Variants in UBXN4 observed in about 807,000 individuals in gnomAD.
The protein encoded by UBXN4 is UBX domain protein 4, also known as UBX domain-containing protein 4.
UBXN4 carries 35 observed loss-of-function variants against 66.2 expected under a neutral mutation model. That is an observed-to-expected ratio of 0.53 (90% confidence interval 0.40 to 0.70). The LOEUF is 0.70. Among genes scored for constraint, UBXN4 ranks in the 30% least tolerant of loss-of-function variants. UBXN4 has a pLI of 0.00. For missense variants in UBXN4, 533 were observed against 599.8 expected (o/e 0.89, Z 1.16); for synonymous variants, 203 against 204.5 (o/e 0.99, Z 0.06).
intron 3 of UBXN4, 95 bp downstream of exon 3, chr2:135,753,662 G>T: frequency 2.8e-6 from 3 of 1,081,164 alleles, no homozygotes; most frequent in South Asian, 2.0e-5. Flanking sequence ...TTTTTATTTA[G>T]GAAATCATAC....
chr2:135,770,707 G>A lies in UBXN4; in HGVS notation c.794G>A (p.Arg265Gln), dbSNP rs371075349. ...GAGAAAGCAGAAGATAGGGCAGCTCGAGAACGTATAAAACAGCAGATTGCA... is the reference window on the plus strand; with the variant it reads ...GAGAAAGCAGAAGATAGGGCAGCTCAAGAACGTATAAAACAGCAGATTGCA... ...NREKAEDRAA[R>Q]ERIKQQIALD... is the part of the protein sequence containing the mutation. Residue 265 changes from arginine (R) to glutamine (Q), a missense_variant, in exon 8 of 13, where the codon CGA (arginine) becomes CAA (glutamine). Arg to Gln is a conservative substitution (Grantham distance 43). Transcript: ENST00000272638. 16 of 1,552,840 alleles carry A rather than the reference G, an allele frequency of 1.0e-5. No homozygotes were observed. Among genetic ancestry groups the A allele is most frequent in the Admixed American group, 7.0e-5 (3 of 42,712 alleles).
At chr2:135,772,269 G>A (rs1379347108) in intron 8 of UBXN4, 151 bp from the exon 9 acceptor site, 2 of 820,818 alleles carry the variant, frequency 2.4e-6, no homozygotes, top group East Asian at 3.2e-5. Context: ...GCTGCAGTGA[G>A]CTATGATTGT....
intron 1 of UBXN4, among the ~76,000 whole-genome samples, chr2:135,745,720 C>CTTATTTGGAATATTTGGAATGATGGAA (rs2077203185): frequency 6.6e-6 from 1 of 152,096 alleles, no homozygotes; most frequent in African/African-American, 2.4e-5. Flanking sequence ...GAATCTTAAT[C>CTTATTTGGAATATTTGGAATGATGGAA]TCTCCTCATC....
chr2:135,764,134 A>C lies in UBXN4; in HGVS notation c.602+2223A>C, dbSNP rs546171435. 6.4e-4 allele frequency among the ~76,000 whole-genome samples: 18 copies of C among 28,342 alleles called. No individual in the cohort carries two copies. In the East Asian group the frequency reaches 0.017, roughly 27 times the overall value. The allele number at this position is 28,342 out of a possible 152,430, so 18.6% of individuals were successfully genotyped here. A position where few individuals can be genotyped will look rare whatever the true frequency, so the allele number is the denominator to read the frequency against. On this transcript the variant is annotated intron_variant, in intron 6 of 12. Coordinates refer to ENST00000272638, the MANE Select transcript of UBXN4 (RefSeq NM_014607.4). ...GTGCTACTCCGTCTCAAAATAAATA[A>C]AATAAAATAAAATAAAAAATAAAGC... is the stretch of plus-strand genomic sequence containing the variant.
chr2:135,742,322 T>G (rs1461315463), intron 1 of UBXN4, among the ~76,000 whole-genome samples: 1 of 152,142 alleles, frequency 6.6e-6, no homozygotes, highest in African/African-American at 2.4e-5. Flanking sequence ...TGAGATACAG[T>G]GGGCCTGGCC....
chr2:135,778,985 C>A lies in UBXN4; in HGVS notation c.1091C>A (p.Thr364Asn), dbSNP rs765065325. The A allele has an allele frequency of 6.2e-7, 1 of 1,612,926 alleles. No individual in the cohort carries two copies. Residue 364 changes from threonine (T) to asparagine (N), a missense_variant, in exon 11 of 13, where the codon ACC becomes AAC. Physicochemically the swap from Thr to Asn is moderately conservative, Grantham distance 65. Around this residue, in one of 2 missense-constraint regions of UBXN4, gnomAD observed 529 missense variants for 580.1 expected, o/e 0.91. Coordinates refer to ENST00000272638, the MANE Select transcript of UBXN4 (RefSeq NM_014607.4). ...GNTYGNFSLATMFPRREFTKE... is the reference protein window; with the variant it reads ...GNTYGNFSLANMFPRREFTKE... ...ACTTACGGTAATTTTTCGTTAGCAA[C>A]CATGTTTCCCAGGAGGGAATTTACC...
At chr2:135,743,863 G>GTATA (rs34393353) in intron 1 of UBXN4, among the ~76,000 whole-genome samples, 82 of 151,420 alleles carry the variant, frequency 5.4e-4, no homozygotes, top group East Asian at 1.4e-3. Flanking sequence ...GGGGTTTTGT[G>GTATA]TATATATATA....
intron 10 of UBXN4, among the ~76,000 whole-genome samples, chr2:135,776,644 A>C (rs1266502952): frequency 6.6e-6 from 1 of 152,170 alleles, no homozygotes; most frequent in Non-Finnish European, 1.5e-5. Flanking sequence ...CCTAGGCTGG[A>C]GTGCAGTGGT....
chr2:135,748,108 A>G (rs1486745575), intron 1 of UBXN4, 159 bp from the exon 2 acceptor site: 3 of 488,024 alleles, frequency 6.1e-6, no homozygotes, highest in Non-Finnish European at 1.1e-5. Context: ...CTGTGTATGC[A>G]GTCACACTTT....
chr2:135,778,185 AAAAC>A (rs1282660573), intron 10 of UBXN4, among the ~76,000 whole-genome samples: 2 of 149,408 alleles, frequency 1.3e-5, no homozygotes, highest in African/African-American at 2.4e-5. Context: ...AAAAAAAAAA[AAAAC>A]AAAAAAAAAC....
rs147872331 is a variant in UBXN4, at chr2:135,773,385, C to T, written c.950+838C>T. Among the ~76,000 whole-genome samples the T allele has an allele frequency of 3.6e-3, 552 of 152,278 alleles. 4 individuals carry two copies. Among genetic ancestry groups the T allele is most frequent in the Non-Finnish European group, 4.8e-3 (326 of 68,026 alleles). ...CCAGCACCTCCTGGCACTTTCAGGA[C>T]CTTGAATTCACGATCCCAGACAGAA... On this transcript the variant is annotated intron_variant, in intron 9 of 12. Transcript: ENST00000272638.
At chr2:135,745,435 A>G (rs2077201387) in intron 1 of UBXN4, among the ~76,000 whole-genome samples, 1 of 152,196 alleles carries the variant, frequency 6.6e-6, no homozygotes, top group East Asian at 1.9e-4. Flanking sequence ...TCTTTTTAGT[A>G]GCATTTATTA....
intron 8 of UBXN4, among the ~76,000 whole-genome samples, 162 bp downstream of exon 8, chr2:135,770,897 G>A (rs1575321878): frequency 6.6e-6 from 1 of 152,086 alleles, no homozygotes; most frequent in Non-Finnish European, 1.5e-5. Flanking sequence ...AAATAGTTAA[G>A]ATTAAAATTG....
At chr2:135,777,929 G>A (rs2077426944) in intron 10 of UBXN4, among the ~76,000 whole-genome samples, 1 of 151,670 alleles carries the variant, frequency 6.6e-6, no homozygotes, top group Admixed American at 6.6e-5. Flanking sequence ...TGTAATCCCA[G>A]CACTTTGGGA....
intron 1 of UBXN4, 143 bp downstream of exon 1, chr2:135,742,154 C>T (rs2077178757): frequency 3.1e-6 from 3 of 975,272 alleles, no homozygotes; most frequent in African/African-American, 3.3e-5. Context: ...ACCCCGCGCC[C>T]CAGGGACGGC....
At chr2:135,766,076 C>G (rs1366828246) in intron 6 of UBXN4, among the ~76,000 whole-genome samples, 1 of 151,790 alleles carries the variant, frequency 6.6e-6, no homozygotes, top group Non-Finnish European at 1.5e-5. Context: ...TTGCTTGAAC[C>G]CAGGACGTAG....
At position 135,765,050 on chromosome 2, in the gene UBXN4, A is replaced by G. The variant is rs1340083883; in HGVS notation, c.602+3139A>G. On this transcript the variant is annotated intron_variant, in intron 6 of 12. Transcript: ENST00000272638. ...GCTGGTCTCGAACTCCTGGCCTCAA[A>G]TAATCCACCCGCCTTGGCTTCTTCA... Among the ~76,000 whole-genome samples, 2 of 151,986 alleles carry G rather than the reference A, an allele frequency of 1.3e-5. 1 individual carries two copies. The highest frequency in any genetic ancestry group is 2.9e-5 in the Non-Finnish European group (2 of 67,990).
chr2:135,759,404 T>C (rs902106506), intron 5 of UBXN4, among the ~76,000 whole-genome samples: 30 of 152,178 alleles, frequency 2.0e-4, no homozygotes, highest in African/African-American at 7.2e-4. Flanking sequence ...CAGTTCGATA[T>C]ATTGCTATTG....
chr2:135,776,633 G>A (rs536519898), intron 10 of UBXN4, among the ~76,000 whole-genome samples: 13 of 152,206 alleles, frequency 8.5e-5, no homozygotes, highest in East Asian at 5.8e-4. Context: ...TCACTGTGTC[G>A]CCTAGGCTGG....
Sources: gnomAD v4.1 joint callset for allele counts (sites outside exome capture counted in the v4.1 genomes callset) on GRCh38, gnomAD v4.1.1 for gene constraint, gnomAD v4.1.1 regional missense constraint, MANE v1.5 for transcripts, NCBI Gene and HGNC (gene_info 2026-07-23, HGNC 2026-07-21) for gene names.